Variants in CDH12 observed in about 807,000 individuals in gnomAD.
CDH12 encodes the protein cadherin 12.
CDH12 carries 41 observed loss-of-function variants against 74.1 expected under a neutral mutation model. The ratio of observed to expected loss-of-function variants is 0.55; its 90% CI spans 0.43 to 0.72. CDH12 has a LOEUF of 0.72. CDH12 is among the 30% of genes least tolerant of loss of function. The probability of loss-of-function intolerance (pLI) is 0.00; values close to 1 mark genes in which losing one functional copy is unlikely to be tolerated. For missense variants in CDH12, 945 were observed against 977.2 expected, an observed-to-expected ratio of 0.97 and a Z score of 0.44; for synonymous variants, 399 against 355.0, an observed-to-expected ratio of 1.12 and a Z score of -1.39.
chr5:22,591,181 T>C (rs1382380876), intron 1 of CDH12, among the ~76,000 whole-genome samples: 5 of 152,182 alleles, frequency 3.3e-5, no homozygotes, highest in African/African-American at 1.2e-4. Context: ...TATTAAATTG[T>C]AAACCAAAGT....
chr5:22,430,574 G>C (rs1561398679), intron 2 of CDH12, among the ~76,000 whole-genome samples: 1 of 152,014 alleles, frequency 6.6e-6, no homozygotes, highest in African/African-American at 2.4e-5. Flanking sequence ...CCTGAGTGCT[G>C]CAGTTATTGA....
intron 6 of CDH12, among the ~76,000 whole-genome samples, chr5:21,934,460 A>G (rs1391599769): frequency 6.6e-6 from 1 of 152,234 alleles, no homozygotes; most frequent in Admixed American, 6.5e-5. Context: ...TCAGATTTCC[A>G]AAAGAAAGGT....
chr5:22,200,546 T>G (rs1322292068), intron 4 of CDH12, among the ~76,000 whole-genome samples: 1 of 152,168 alleles, frequency 6.6e-6, no homozygotes, highest in African/African-American at 2.4e-5. Context: ...ACAAGATATC[T>G]ACATCATCCA....
chr5:22,383,046 G>C (rs1020488423), intron 3 of CDH12, among the ~76,000 whole-genome samples: 2 of 151,796 alleles, frequency 1.3e-5, no homozygotes, highest in African/African-American at 4.8e-5. Flanking sequence ...TGGCCAGGCT[G>C]GTCTTAAACT....
intron 3 of CDH12, among the ~76,000 whole-genome samples, chr5:22,256,769 C>A (rs1053424078): frequency 6.6e-6 from 1 of 151,778 alleles, no homozygotes; most frequent in African/African-American, 2.4e-5. Flanking sequence ...TAGTTTTTAA[C>A]AAAAACAGTT....
At chr5:21,902,134 A>G (rs1347690958) in intron 6 of CDH12, among the ~76,000 whole-genome samples, 4 of 152,038 alleles carry the variant, frequency 2.6e-5, no homozygotes, top group Non-Finnish European at 5.9e-5. Context: ...TGCCTTCTGT[A>G]GGATCTATCT....
intron 3 of CDH12, among the ~76,000 whole-genome samples, chr5:22,286,002 C>T (rs1737116729): frequency 6.6e-6 from 1 of 151,806 alleles, no homozygotes. Flanking sequence ...TTATTTTTAT[C>T]AATTATTCCA....
chr5:22,356,479 C>T (rs1740567614), intron 3 of CDH12, among the ~76,000 whole-genome samples: 1 of 152,052 alleles, frequency 6.6e-6, no homozygotes, highest in African/African-American at 2.4e-5. Context: ...ATGCTTAATC[C>T]TCCTATCTCA....
intron 3 of CDH12, among the ~76,000 whole-genome samples, chr5:22,277,844 C>A (rs889821603): frequency 6.6e-6 from 1 of 152,026 alleles, no homozygotes; most frequent in African/African-American, 2.4e-5. Context: ...CAAACAACAA[C>A]AACAAACAAC....
intron 4 of CDH12, among the ~76,000 whole-genome samples, chr5:22,114,136 G>A (rs1744960736): frequency 1.3e-5 from 2 of 152,038 alleles, no homozygotes; most frequent in South Asian, 2.1e-4. Flanking sequence ...TTTTTGTTAC[G>A]CTGCCTTACT....
chr5:22,741,073 G>A (rs1745002904), intron 1 of CDH12, among the ~76,000 whole-genome samples: 1 of 152,092 alleles, frequency 6.6e-6, no homozygotes, highest in Admixed American at 6.6e-5. Flanking sequence ...CTGATATCTA[G>A]TGTAACTCAG....
chr5:22,604,904 C>A lies in CDH12; in HGVS notation c.-522-99540G>T, dbSNP rs568423370. Among the ~76,000 whole-genome samples the A allele has an allele frequency of 2.0e-5, 3 of 152,314 alleles. No homozygotes were observed. In the East Asian group the frequency reaches 5.8e-4, roughly 29 times the overall value. On this transcript the variant is annotated intron_variant, in intron 1 of 14. Transcript: ENST00000382254. ...AGATGGCCATTGACCCTAGAGGGCA[C>A]CCCTTCACCATCAGCTCTGGTCAGT... is the stretch of plus-strand genomic sequence containing the variant.
intron 1 of CDH12, among the ~76,000 whole-genome samples, chr5:22,649,462 T>C (rs769674035): frequency 6.6e-6 from 1 of 151,956 alleles, no homozygotes; most frequent in African/African-American, 2.4e-5. Context: ...CACATACTAA[T>C]GCAAGGGGAA....
chr5:21,912,900 T>A (rs1359607311), intron 6 of CDH12, among the ~76,000 whole-genome samples: 1 of 152,160 alleles, frequency 6.6e-6, no homozygotes. Context: ...TGGAGTGCAG[T>A]GGCCTGATCT....
At chr5:22,789,484 A>T (rs1581002041) in intron 1 of CDH12, among the ~76,000 whole-genome samples, 1 of 152,116 alleles carries the variant, frequency 6.6e-6, no homozygotes, top group Non-Finnish European at 1.5e-5. Flanking sequence ...AAGCATACAG[A>T]TGTTAATGCG....
At chr5:22,511,527 TA>T (rs1470723688) in intron 1 of CDH12, among the ~76,000 whole-genome samples, 1 of 152,158 alleles carries the variant, frequency 6.6e-6, no homozygotes, top group African/African-American at 2.4e-5. Flanking sequence ...TAATAACACA[TA>T]ATTTCTCATT....
At chr5:22,538,044 C>T (rs976822415) in intron 1 of CDH12, among the ~76,000 whole-genome samples, 2 of 152,146 alleles carry the variant, frequency 1.3e-5, no homozygotes, top group Non-Finnish European at 2.9e-5. Context: ...GCTGGTCTTT[C>T]CCACTTTCCT....
intron 4 of CDH12, among the ~76,000 whole-genome samples, chr5:22,136,539 T>C (rs1435554468): frequency 6.6e-6 from 1 of 151,484 alleles, no homozygotes; most frequent in Non-Finnish European, 1.5e-5. Flanking sequence ...AAAAATACCA[T>C]TATGAAGAAG....
intron 1 of CDH12, among the ~76,000 whole-genome samples, chr5:22,514,774 C>T (rs1418659583): frequency 6.6e-6 from 1 of 152,004 alleles, no homozygotes; most frequent in East Asian, 1.9e-4. Context: ...ACTCACACCA[C>T]AAAGATATTT....
Sources: allele counts gnomAD v4.1 joint callset (sites outside exome capture counted in the v4.1 genomes callset), GRCh38; gene constraint gnomAD v4.1.1; transcripts MANE v1.5; gene names NCBI Gene and HGNC (gene_info 2026-07-23, HGNC 2026-07-21).